TBC1D5: variants seen among roughly 807,000 people sequenced by gnomAD.
TBC1D5 encodes the protein TBC1 domain family member 5.
TBC1D5 carries 75 observed loss-of-function variants against 100.3 expected under a neutral mutation model. The ratio of observed to expected loss-of-function variants is 0.75; its 90% CI spans 0.62 to 0.91. TBC1D5 has a LOEUF of 0.91. TBC1D5 is among the 40% of genes least tolerant of loss of function. The pLI is 0.00. For missense variants in TBC1D5, 910 were observed against 942.4 expected (o/e 0.97, Z 0.45); for synonymous variants, 323 against 325.6 (o/e 0.99, Z 0.09).
chr3:17,718,751 TC>T (rs1259025294), intron 1 of TBC1D5, among the ~76,000 whole-genome samples: 1 of 151,956 alleles, frequency 6.6e-6, no homozygotes, highest in African/African-American at 2.4e-5. Context: ...AAACAATCAT[TC>T]CCCAATGCTC....
chr3:17,582,586 T>C (rs1401239992), intron 2 of TBC1D5, among the ~76,000 whole-genome samples: 1 of 145,868 alleles, frequency 6.9e-6, no homozygotes, highest in African/African-American at 2.5e-5. Flanking sequence ...AAATAGGAGG[T>C]TGAGGTTGAG....
intron 1 of TBC1D5, among the ~76,000 whole-genome samples, chr3:17,679,870 A>G (rs945534474): frequency 6.6e-6 from 1 of 151,532 alleles, no homozygotes; most frequent in African/African-American, 2.5e-5. Flanking sequence ...GTCTGAGACT[A>G]GCTGACCCTT....
At chr3:17,362,401 T>C (rs2091802386) in intron 13 of TBC1D5, among the ~76,000 whole-genome samples, 1 of 151,836 alleles carries the variant, frequency 6.6e-6, no homozygotes, top group Non-Finnish European at 1.5e-5. Flanking sequence ...GTATCCAGAA[T>C]AAAGAACTGT....
At chr3:17,460,725 C>T (rs924363556) in intron 3 of TBC1D5, among the ~76,000 whole-genome samples, 1 of 150,830 alleles carries the variant, frequency 6.6e-6, no homozygotes, top group Non-Finnish European at 1.5e-5. Context: ...AAAAAGGATG[C>T]AACACTTCAA....
chr3:17,403,320 A>C, intron 7 of TBC1D5, 72 bp from the exon 8 acceptor site: 1 of 1,030,296 alleles, frequency 9.7e-7, no homozygotes, highest in East Asian at 2.9e-5. Flanking sequence ...CAATTTAATA[A>C]TGTAAATGGT....
At chr3:17,223,900 A>AAAAAC (rs142249829) in intron 17 of TBC1D5, among the ~76,000 whole-genome samples, 6,606 of 150,516 alleles carry the variant, frequency 0.044, 200 homozygotes, top group East Asian at 0.17. Flanking sequence ...TCTGTCTCAA[A>AAAAAC]AAAACAAAAC....
chr3:17,207,427 G>C (rs2072356656), intron 18 of TBC1D5, among the ~76,000 whole-genome samples: 1 of 152,062 alleles, frequency 6.6e-6, no homozygotes, highest in Non-Finnish European at 1.5e-5. Context: ...CAAAATAATA[G>C]TACTAACAAT....
chr3:17,670,023 T>A (rs1308593633), intron 1 of TBC1D5, among the ~76,000 whole-genome samples: 2 of 152,140 alleles, frequency 1.3e-5, no homozygotes, highest in African/African-American at 4.8e-5. Context: ...ATAGCTGGGA[T>A]TACAGGCGCA....
intron 1 of TBC1D5, among the ~76,000 whole-genome samples, chr3:17,688,233 A>G (rs1039735934): frequency 6.6e-6 from 1 of 152,138 alleles, no homozygotes; most frequent in African/African-American, 2.4e-5. Context: ...ATATACTAGT[A>G]TATATATACA....
At chr3:17,431,941 AT>A (rs2094453743) in intron 3 of TBC1D5, among the ~76,000 whole-genome samples, 1 of 152,068 alleles carries the variant, frequency 6.6e-6, no homozygotes, top group East Asian at 1.9e-4. Context: ...TTTCTGTAGT[AT>A]TTTTTTATAC....
chr3:17,619,100 C>A (rs1255569152), intron 2 of TBC1D5, among the ~76,000 whole-genome samples: 1 of 152,110 alleles, frequency 6.6e-6, no homozygotes, highest in Non-Finnish European at 1.5e-5. Context: ...TAGGAATAAA[C>A]AGAAATGTTC....
intron 13 of TBC1D5, among the ~76,000 whole-genome samples, chr3:17,343,005 T>C (rs2089244604): frequency 6.6e-6 from 1 of 152,162 alleles, no homozygotes; most frequent in Admixed American, 6.5e-5. Flanking sequence ...AACACTATGT[T>C]GAATAGGAGT....
At chr3:17,501,561 A>G (rs1468073187) in intron 3 of TBC1D5, among the ~76,000 whole-genome samples, 1 of 148,946 alleles carries the variant, frequency 6.7e-6, no homozygotes, top group African/African-American at 2.6e-5. Flanking sequence ...CAGGACTCCC[A>G]TCACCACACT....
chr3:17,286,820 T>G (rs904422847), intron 15 of TBC1D5, among the ~76,000 whole-genome samples: 2 of 152,194 alleles, frequency 1.3e-5, no homozygotes, highest in Non-Finnish European at 2.9e-5. Context: ...GGGGGTTCAA[T>G]TGCTGGTCTG....
At chr3:17,677,249 C>T (rs1182231235) in intron 1 of TBC1D5, among the ~76,000 whole-genome samples, 1 of 152,116 alleles carries the variant, frequency 6.6e-6, no homozygotes, top group African/African-American at 2.4e-5. Flanking sequence ...TTGCAATCTA[C>T]TCATCTGACA....
chr3:17,380,187 T>C (rs1327733339), intron 9 of TBC1D5, among the ~76,000 whole-genome samples: 2 of 151,776 alleles, frequency 1.3e-5, no homozygotes, highest in South Asian at 2.1e-4. Flanking sequence ...TATATCCACA[T>C]AGTGAAAAAA....
chr3:17,218,567 C>A (rs547375364), intron 17 of TBC1D5, among the ~76,000 whole-genome samples: 2 of 151,870 alleles, frequency 1.3e-5, no homozygotes, highest in Non-Finnish European at 2.9e-5. Flanking sequence ...GAAGGACTTT[C>A]TTTATTATGT....
intron 1 of TBC1D5, among the ~76,000 whole-genome samples, chr3:17,681,845 G>C (rs957834368): frequency 1.3e-5 from 2 of 151,490 alleles, no homozygotes; most frequent in Non-Finnish European, 1.5e-5. Context: ...CTGTATTTAC[G>C]GCCGCTCCTC....
At chr3:17,505,376 T>C (rs1284942014) in intron 3 of TBC1D5, among the ~76,000 whole-genome samples, 2 of 152,164 alleles carry the variant, frequency 1.3e-5, no homozygotes, top group African/African-American at 2.4e-5. Context: ...TTTGCCATGA[T>C]TGGAAGCTTC....
Sources: gnomAD v4.1 joint callset for allele counts (sites outside exome capture counted in the v4.1 genomes callset) on GRCh38, gnomAD v4.1.1 for gene constraint, MANE v1.5 for transcripts, NCBI Gene and HGNC (gene_info 2026-07-23, HGNC 2026-07-21) for gene names.